COL17A1: variants seen among roughly 807,000 people sequenced by gnomAD.
The protein encoded by COL17A1 is collagen alpha-1(XVII) chain.
Under a neutral mutation model 218.4 loss-of-function variants are expected in COL17A1, and 181 were observed. The ratio of observed to expected loss-of-function variants is 0.83; its 90% CI spans 0.73 to 0.94. The LOEUF (loss-of-function observed/expected upper bound fraction) is 0.94, where lower values mean the gene tolerates loss of function less well. COL17A1 is among the 40% of genes least tolerant of loss of function. The pLI, the probability that COL17A1 is intolerant of heterozygous loss-of-function variation, is 0.00. For synonymous variants in COL17A1, 721 were observed against 731.0 expected (o/e 0.99, Z 0.22); for missense variants, 1,924 against 1,945.9 (o/e 0.99, Z 0.21).
In COL17A1 at chr10:104,057,112, CCACCAA is replaced by C. The variant is rs758162236; in HGVS notation, c.1322_1327del (p.Val441_Gly442del). 6.2e-7 allele frequency: 1 copy of C among 1,602,784 alleles called. No individual in the cohort carries two copies. Among genetic ancestry groups the C allele is most frequent in the African/African-American group, 1.5e-5 (1 of 65,346 alleles). ...TGGTCCCCAAGGGCCGCCGCCAGCG[CCACCAA>C]CACCGCCACCTCCTCCACTGCCACC... On this transcript the variant is annotated inframe_deletion, in exon 17 of 56. Coordinates refer to ENST00000648076, the MANE Select transcript of COL17A1 (RefSeq NM_000494.4).
At chr10:104,033,159 G>A in intron 53 of COL17A1, 79 bp downstream of exon 53, 1 of 1,547,366 alleles carries the variant, frequency 6.5e-7, no homozygotes, top group Admixed American at 2.0e-5. Context: ...GATTTCTCAT[G>A]AGACTGGTGT....
intron 8 of COL17A1, 72 bp from the exon 9 acceptor site, chr10:104,070,641 A>G (rs935691681): frequency 3.7e-5 from 60 of 1,612,412 alleles, no homozygotes; most frequent in Non-Finnish European, 4.9e-5. Context: ...ACTGGGGGGA[A>G]CATTTGTGGC....
In COL17A1 at chr10:104,058,933, C is replaced by CA. The variant is rs11351494; in HGVS notation, c.1222+704dup. ...TGGGCAACAGAGCAAGACTCCGTCT[C>CA]AAAAAAAAAAAAACAAAAAAAGAAA... On this transcript the variant is annotated intron_variant, in intron 15 of 55. Transcript: ENST00000648076. 1.5e-3 allele frequency among the ~76,000 whole-genome samples: 196 copies of CA among 134,212 alleles called. 1 individual carries two copies. Among genetic ancestry groups the CA allele is most frequent in the African/African-American group, 3.9e-3 (138 of 35,718 alleles). 88.0% of individuals were successfully genotyped at this position (134,212 alleles called of 152,430 possible). A position where few individuals can be genotyped will look rare whatever the true frequency, so the allele number is the denominator to read the frequency against.
chr10:104,038,992 A>G, intron 44 of COL17A1, 79 bp downstream of exon 44: 4 of 1,424,668 alleles, frequency 2.8e-6, no homozygotes, highest in Non-Finnish European at 4.0e-6. Flanking sequence ...GAATGAACGA[A>G]TAGAGCAACA....
chr10:104,056,983 A>G lies in COL17A1; in HGVS notation c.1457T>C (p.Ile486Thr). The G allele has an allele frequency of 1.3e-6, 2 of 1,576,110 alleles. No homozygotes were observed. The highest frequency in any genetic ancestry group is 8.6e-7 in the Non-Finnish European group (1 of 1,161,422). Residue 486 changes from isoleucine to threonine, a missense_variant, in exon 17 of 56, where the codon ATT (isoleucine) becomes ACT (threonine). Physicochemically the swap from Ile to Thr is moderately conservative, Grantham distance 89. Transcript: ENST00000648076. ...LLLLGLLFGL[I>T]ALAEEVRKLK... ...CTGCCTTTGCCACGTACCCAGAGCA[A>G]TGAGGCCGAAGAGCAGCCCCAGGAG...
chr10:104,044,242 C>T (rs1589561573), intron 33 of COL17A1, among the ~76,000 whole-genome samples: 2 of 152,248 alleles, frequency 1.3e-5, no homozygotes, highest in South Asian at 2.1e-4. Context: ...GCGATGAGCC[C>T]GCCAGGTAGA....
chr10:104,054,650 T>C (rs563580663), intron 20 of COL17A1, among the ~76,000 whole-genome samples: 23 of 152,312 alleles, frequency 1.5e-4, no homozygotes, highest in Admixed American at 1.4e-3. Context: ...AGTATTCTTC[T>C]GGCTGCAGAA....
intron 2 of COL17A1, among the ~76,000 whole-genome samples, chr10:104,078,902 T>C (rs1006574979): frequency 3.9e-5 from 6 of 152,190 alleles, no homozygotes; most frequent in Admixed American, 3.9e-4. Context: ...AGGCCTGGTC[T>C]GAGGTTGAAG....
At chr10:104,040,032 G>C in intron 40 of COL17A1, 33 bp from the exon 41 acceptor site, 1 of 1,613,496 alleles carries the variant, frequency 6.2e-7, no homozygotes, top group South Asian at 1.1e-5. Flanking sequence ...TATGAGACAG[G>C]TACCAACCAG....
chr10:104,050,544 C>T lies in COL17A1; in HGVS notation c.2128+77G>A. 2.5e-6 allele frequency: 4 copies of T among 1,610,202 alleles called. No individual in the cohort carries two copies. The South Asian group carries it at 3.3e-5, about 13-fold the overall frequency. On this transcript the variant is annotated intron_variant, in intron 27 of 55. Transcript: ENST00000648076. Reference sequence around the variant, plus strand: ...TCCAGGTCCTGTGCACCCTCAGACCCTACAGTGAGGGTCCCATCTGGGCTC... The same window carrying T: ...TCCAGGTCCTGTGCACCCTCAGACCTTACAGTGAGGGTCCCATCTGGGCTC...
At chr10:104,083,729 G>C (rs928264532) in intron 1 of COL17A1, among the ~76,000 whole-genome samples, 31 of 152,160 alleles carry the variant, frequency 2.0e-4, no homozygotes, top group African/African-American at 6.7e-4. Flanking sequence ...CATCACATTT[G>C]GGTTTAAACC....
At chr10:104,070,402 G>A (rs773565342) in intron 9 of COL17A1, 24 bp downstream of exon 9, 5 of 1,612,540 alleles carry the variant, frequency 3.1e-6, no homozygotes, top group Admixed American at 1.7e-5. Flanking sequence ...CACACTCCTC[G>A]GCAGCCTGGG....
rs1402747313 is a variant in COL17A1 at position 104,050,827 on chromosome 10, C to T, written c.2092+21G>A. ...TGTCCATCAGACCCTCACTGTCCCC[C>T]CAGGCCTCCCTCCAGCTTACCTTTG... On this transcript the variant is annotated intron_variant, in intron 26 of 55. Transcript: ENST00000648076. 7.4e-6 allele frequency: 12 copies of T among 1,614,026 alleles called. No individual in the cohort carries two copies. The African/African-American group carries it at 1.6e-4, about 22-fold the overall frequency.
At position 104,036,703 on chromosome 10, in the gene COL17A1, C is replaced by T. The variant is rs368363512; in HGVS notation, c.3278-71G>A. The T allele has an allele frequency of 7.0e-6, 11 of 1,565,598 alleles. No individual in the cohort carries two copies. In the East Asian group the frequency reaches 1.2e-4, roughly 16 times the overall value. On this transcript the variant is annotated intron_variant, in intron 47 of 55. Transcript: ENST00000648076. ...GGTCGCAGCCATGATCCAGCCACAG[C>T]CTGGGCTCCCCTGCACAAACTGGCT... is the stretch of plus-strand genomic sequence containing the variant.
At position 104,034,607 on chromosome 10, in the gene COL17A1, G is replaced by A. The variant is rs180732052; in HGVS notation, c.3766+14C>T. 13 of 1,607,712 alleles carry A rather than the reference G, an allele frequency of 8.1e-6. No homozygotes were observed. Among genetic ancestry groups the A allele is most frequent in the African/African-American group, 4.0e-5 (3 of 74,880 alleles). The stretch of plus-strand genomic sequence containing the variant: ...GCGGGGTGCCTGGTGGGGCATCACC[G>A]TCGGGGCACCTACTTGTGAGGTAGC... On this transcript the variant is annotated intron_variant, in intron 51 of 55. Coordinates refer to ENST00000648076, the MANE Select transcript of COL17A1 (RefSeq NM_000494.4).
intron 9 of COL17A1, among the ~76,000 whole-genome samples, chr10:104,068,394 T>G (rs2086644251): frequency 6.6e-6 from 1 of 152,160 alleles, no homozygotes; most frequent in African/African-American, 2.4e-5. Flanking sequence ...TGTAAATGGG[T>G]CATCCCAAGT....
Position 104,033,321 on chromosome 10 carries a change from G to T in COL17A1, c.4211C>A (p.Pro1404His). ...AYTVQGPPGQ[P>H]GPQGPPGISK... ...GATGCCGGGTGGCCCCTGTGGCCCA[G>T]GCTGGCCTGGTGGGCCCTGGACAGT... Residue 1404 changes from proline (P) to histidine (H), a missense_variant, in exon 53 of 56, where the codon CCT becomes CAT. By Grantham distance (77) the Pro-to-His change is moderately conservative (BLOSUM62 -2). Coordinates refer to ENST00000648076, the MANE Select transcript of COL17A1 (RefSeq NM_000494.4). 6.2e-7 allele frequency: 1 copy of T among 1,608,514 alleles called. No individual in the cohort carries two copies. Among genetic ancestry groups the T allele is most frequent in the Non-Finnish European group, 8.5e-7 (1 of 1,177,570 alleles).
chr10:104,049,429 G>T lies in COL17A1; in HGVS notation c.2207C>A (p.Pro736His). The T allele has an allele frequency of 6.2e-7, 1 of 1,614,160 alleles. No individual in the cohort carries two copies. Residue 736 changes from proline (P) to histidine (H), a missense_variant, in exon 29 of 56, where the codon CCC (proline) becomes CAC (histidine). Coordinates refer to ENST00000648076, the MANE Select transcript of COL17A1 (RefSeq NM_000494.4). Reference sequence around the variant, plus strand: ...CTTACCCATTGCTCCTTTAGCCCCGGGCTCACCAACAGCACCAGGCAAACC... The same window carrying T: ...CTTACCCATTGCTCCTTTAGCCCCGTGCTCACCAACAGCACCAGGCAAACC... ...MRGLPGAVGE[P>H]GAKGAMGPAG...
intron 2 of COL17A1, 138 bp from the exon 3 acceptor site, chr10:104,078,724 G>T: frequency 8.4e-7 from 1 of 1,193,898 alleles, no homozygotes; most frequent in Non-Finnish European, 1.2e-6. Flanking sequence ...GTGCTTTAAG[G>T]TGTGTGATCT....
Sources: gnomAD v4.1 joint callset for allele counts (sites outside exome capture counted in the v4.1 genomes callset) on GRCh38, gnomAD v4.1.1 for gene constraint, MANE v1.5 for transcripts, NCBI Gene and HGNC (gene_info 2026-07-23, HGNC 2026-07-21) for gene names.